Variants in MACC1 observed in about 807,000 individuals in gnomAD.
MACC1 encodes the protein MET transcriptional regulator MACC1.
A neutral mutation model predicts 70.7 loss-of-function variants in MACC1; 79 were observed. The observed-to-expected ratio is 1.12, with a 90% CI of 0.93 to 1.35. The LOEUF is 1.35. Ranked by LOEUF, MACC1 falls within the 40% of genes most tolerant of loss-of-function variation. The probability of loss-of-function intolerance (pLI) is 0.00; values close to 1 mark genes in which losing one functional copy is unlikely to be tolerated. For missense variants in MACC1, 1,106 were observed against 978.1 expected, an observed-to-expected ratio of 1.13 and a Z score of -1.74; for synonymous variants, 361 against 347.2, an observed-to-expected ratio of 1.04 and a Z score of -0.44.
At chr7:20,215,014 G>A (rs377325665) in intron 1 of MACC1, among the ~76,000 whole-genome samples, 11 of 152,104 alleles carry the variant, frequency 7.2e-5, no homozygotes, top group Non-Finnish European at 1.2e-4. Context: ...GCCTGGGTAC[G>A]CGTCTCTTCT....
Position 20,135,459 on chromosome 7 carries a change from T to C in MACC1, c.*5487A>G, listed in dbSNP as rs984989111. ...ATCTTAAAGCAAATTAGAGGACTTA[T>C]AAAAAATCTTTCCATTTCTATAGAG... is the stretch of plus-strand genomic sequence containing the variant. On this transcript the variant is annotated 3_prime_UTR_variant, in exon 7 of 7. Coordinates refer to ENST00000400331, the MANE Select transcript of MACC1 (RefSeq NM_182762.4). The C allele has an allele frequency of 6.6e-6, 1 of 152,200 alleles. No homozygotes were observed. Among genetic ancestry groups the C allele is most frequent in the Non-Finnish European group, 1.5e-5 (1 of 68,032 alleles). The allele number at this position is 152,200 out of a possible 1,614,324, so 9.4% of individuals were successfully genotyped here. A position where few individuals can be genotyped will look rare whatever the true frequency, so the allele number is the denominator to read the frequency against.
At position 20,139,515 on chromosome 7, in the gene MACC1, T is replaced by A. The variant is rs1313499151; in HGVS notation, c.*1431A>T. 2 of 152,216 alleles carry A rather than the reference T, an allele frequency of 1.3e-5. No homozygotes were observed. The highest frequency in any genetic ancestry group is 4.8e-5 in the African/African-American group (2 of 41,452). 9.4% of individuals were successfully genotyped at this position (152,216 alleles called of 1,614,324 possible). A position where few individuals can be genotyped will look rare whatever the true frequency, so the allele number is the denominator to read the frequency against. On this transcript the variant is annotated 3_prime_UTR_variant, in exon 7 of 7. Transcript: ENST00000400331. ...TTTTCTATTTAACGGTGTCATTTTT[T>A]AAAATTATCTATTACTTAGCACTAC...
At chr7:20,178,312 T>C (rs1782429858) in intron 1 of MACC1, among the ~76,000 whole-genome samples, 1 of 151,772 alleles carries the variant, frequency 6.6e-6, no homozygotes, top group African/African-American at 2.4e-5. Context: ...AGAGAATAAT[T>C]GATTCAATTT....
intron 1 of MACC1, among the ~76,000 whole-genome samples, chr7:20,177,123 G>T (rs935567918): frequency 2.0e-5 from 3 of 151,902 alleles, no homozygotes; most frequent in African/African-American, 7.3e-5. Context: ...TCCCTTTAGG[G>T]GAACTAGATG....
chr7:20,194,155 T>C (rs543956212), intron 1 of MACC1, among the ~76,000 whole-genome samples: 1 of 152,296 alleles, frequency 6.6e-6, no homozygotes, highest in South Asian at 2.1e-4. Flanking sequence ...TCAAATACGA[T>C]GGAGTCCATT....
At chr7:20,210,422 T>C (rs1782978414) in intron 1 of MACC1, among the ~76,000 whole-genome samples, 1 of 152,218 alleles carries the variant, frequency 6.6e-6, no homozygotes, top group Non-Finnish European at 1.5e-5. Flanking sequence ...TGTATGTATT[T>C]GTCACTTTCA....
intron 6 of MACC1, among the ~76,000 whole-genome samples, chr7:20,144,991 T>G (rs905805197): frequency 6.6e-6 from 1 of 152,122 alleles, no homozygotes; most frequent in Non-Finnish European, 1.5e-5. Flanking sequence ...AAAAAGGACA[T>G]GCATTGGCTT....
At chr7:20,167,241 G>C (rs976929752) in intron 2 of MACC1, among the ~76,000 whole-genome samples, 1 of 151,424 alleles carries the variant, frequency 6.6e-6, no homozygotes, top group Non-Finnish European at 1.5e-5. Flanking sequence ...TGTCGCCCAG[G>C]CTGGAGTGCA....
chr7:20,163,695 C>A (rs1287238384), intron 3 of MACC1, among the ~76,000 whole-genome samples: 1 of 152,124 alleles, frequency 6.6e-6, no homozygotes, highest in Non-Finnish European at 1.5e-5. Context: ...CCCATGACAA[C>A]ATTGAAAAAC....
intron 1 of MACC1, among the ~76,000 whole-genome samples, chr7:20,184,383 C>G (rs780290651): frequency 1.3e-5 from 2 of 152,210 alleles, no homozygotes; most frequent in Non-Finnish European, 2.9e-5. Flanking sequence ...AATCTTATAT[C>G]CTTCTACCTA....
intron 1 of MACC1, among the ~76,000 whole-genome samples, chr7:20,196,565 T>C (rs1782757065): frequency 6.6e-6 from 1 of 152,044 alleles, no homozygotes; most frequent in South Asian, 2.1e-4. Flanking sequence ...TTTATAACAA[T>C]GGGCCGGGTG....
At position 20,138,558 on chromosome 7, in the gene MACC1, T is replaced by A. The variant is rs1781750977; in HGVS notation, c.*2388A>T. 1 of 152,184 alleles carries A rather than the reference T, an allele frequency of 6.6e-6. No individual in the cohort carries two copies. Among genetic ancestry groups the A allele is most frequent in the Non-Finnish European group, 1.5e-5 (1 of 68,022 alleles). 9.4% of individuals were successfully genotyped at this position (152,184 alleles called of 1,614,324 possible). On this transcript the variant is annotated 3_prime_UTR_variant, in exon 7 of 7. Transcript: ENST00000400331. ...TCTGAAAGTAAAAACTGTGCTTTTT[T>A]TTCCTTCTCTCATAATTTATTTTTA... is the stretch of plus-strand genomic sequence containing the variant.
chr7:20,186,720 C>T (rs1018430695), intron 1 of MACC1, among the ~76,000 whole-genome samples: 1 of 151,792 alleles, frequency 6.6e-6, no homozygotes, highest in Non-Finnish European at 1.5e-5. Flanking sequence ...ATAAATAACA[C>T]TTTTTGAAAA....
chr7:20,185,552 T>G (rs953179394), intron 1 of MACC1, among the ~76,000 whole-genome samples: 2 of 152,118 alleles, frequency 1.3e-5, no homozygotes, highest in Non-Finnish European at 2.9e-5. Context: ...ATTTTCTGCT[T>G]TTTTATAAAA....
chr7:20,159,463 GA>G lies in MACC1; in HGVS notation c.897del (p.Pro300LeufsTer6), dbSNP rs1562585972. On this transcript the variant is annotated frameshift_variant, in exon 5 of 7. Coordinates refer to ENST00000400331, the MANE Select transcript of MACC1 (RefSeq NM_182762.4). LOFTEE classifies it high-confidence loss of function. The stretch of plus-strand genomic sequence containing the variant: ...ATTTCTGTCATGACTTGGCTGAAAG[GA>G]TCCTTTCTTACTTCAGCCCCAATTT... ...EMKIGAEVRK[D>X]PFSQVMTEMV... The G allele has an allele frequency of 6.2e-7, 1 of 1,614,026 alleles. No homozygotes were observed.
At position 20,159,698 on chromosome 7, in the gene MACC1, T is replaced by G. The variant is rs1310053589; in HGVS notation, c.663A>C (p.Gln221His). 1 of 1,614,042 alleles carries G rather than the reference T, an allele frequency of 6.2e-7. No individual in the cohort carries two copies. The highest frequency in any genetic ancestry group is 8.5e-7 in the Non-Finnish European group (1 of 1,180,026). Reference sequence around the variant, plus strand: ...ATTCAGGTAATTGTACTGACCCTCCTTGATGGTTTACTTTGCAAGCTATGG... The same window carrying G: ...ATTCAGGTAATTGTACTGACCCTCCGTGATGGTTTACTTTGCAAGCTATGG... ...EVTIACKVNH[Q>H]GGSVQLPESD... Residue 221 changes from glutamine (Q) to histidine (H), a missense_variant, in exon 5 of 7, where the codon CAA (glutamine) becomes CAC (histidine). Gln to His is a conservative substitution (Grantham distance 24, BLOSUM62 0). Transcript: ENST00000400331.
In MACC1 at chr7:20,140,268, T is replaced by C. The variant is rs1349305015; in HGVS notation, c.*678A>G. 2 of 152,218 alleles carry C rather than the reference T, an allele frequency of 1.3e-5. No homozygotes were observed. Among genetic ancestry groups the C allele is most frequent in the Non-Finnish European group, 2.9e-5 (2 of 68,026 alleles). 9.4% of individuals were successfully genotyped at this position (152,218 alleles called of 1,614,324 possible). On this transcript the variant is annotated 3_prime_UTR_variant, in exon 7 of 7. Coordinates refer to ENST00000400331, the MANE Select transcript of MACC1 (RefSeq NM_182762.4). ...GTTTTTACTATTCTGTTATGCAGTA[T>C]GATTTTTTAAAAAGAAATAGAAACA...
At chr7:20,160,491 A>T (rs1219913134) in intron 4 of MACC1, among the ~76,000 whole-genome samples, 1 of 152,186 alleles carries the variant, frequency 6.6e-6, no homozygotes, top group East Asian at 1.9e-4. Context: ...AGACATCATG[A>T]TTTATAAACT....
At chr7:20,212,927 G>A (rs1223769797) in intron 1 of MACC1, among the ~76,000 whole-genome samples, 1 of 152,062 alleles carries the variant, frequency 6.6e-6, no homozygotes, top group Non-Finnish European at 1.5e-5. Context: ...GACCCCATTT[G>A]GTAGGTTCCA....
Sources: allele counts gnomAD v4.1 joint callset (sites outside exome capture counted in the v4.1 genomes callset), GRCh38; gene constraint gnomAD v4.1.1; transcripts MANE v1.5; gene names NCBI Gene and HGNC (gene_info 2026-07-23, HGNC 2026-07-21).